The following RTL4 variants were observed in gnomAD, a reference collection of about 807,000 sequenced individuals.
RTL4 encodes the protein retrotransposon Gag-like protein 4.
RTL4 carries 4 observed loss-of-function variants against 5.3 expected under a neutral mutation model. That is an observed-to-expected ratio of 0.75 (90% CI 0.37 to 1.72). The LOEUF (loss-of-function observed/expected upper bound fraction) is 1.72. Ranked by LOEUF, RTL4 falls within the 40% of genes most tolerant of loss-of-function variation. The pLI, the probability that RTL4 is intolerant of heterozygous loss-of-function variation, is 0.04. For synonymous variants in RTL4, 98 were observed against 87.3 expected (o/e 1.12, Z -0.68); for missense variants, 260 against 227.1 (o/e 1.14, Z -0.93).
the RTL4 span, among the ~76,000 whole-genome samples, chrX:112,405,183 CA>C: frequency 2.7e-5 from 3 of 111,108 alleles, no homozygotes; most frequent in African/African-American, 9.8e-5. Context: ...GCCACACACT[CA>C]AAAAAAGAGT....
the RTL4 span, among the ~76,000 whole-genome samples, chrX:112,352,133 G>A: frequency 9.0e-6 from 1 of 110,641 alleles, no homozygotes. Flanking sequence ...ATGAAGCTTA[G>A]TTTGCCTGGA....
chrX:112,185,767 A>T, the RTL4 span, among the ~76,000 whole-genome samples: 4 of 110,030 alleles, frequency 3.6e-5, no homozygotes, highest in Non-Finnish European at 7.6e-5. Context: ...GTCTTAGTAT[A>T]ATCTTTAATA....
the RTL4 span, among the ~76,000 whole-genome samples, chrX:112,125,902 G>A: frequency 8.9e-6 from 1 of 112,097 alleles, no homozygotes; most frequent in Non-Finnish European, 1.9e-5. Flanking sequence ...AGCCACTTTT[G>A]TCCTTAAGAG....
chrX:112,107,174 C>T, the RTL4 span, among the ~76,000 whole-genome samples: 15 of 111,936 alleles, frequency 1.3e-4, no homozygotes, highest in Non-Finnish European at 1.7e-4. Flanking sequence ...GACAAATTAA[C>T]TTTGATCACA....
the RTL4 span, among the ~76,000 whole-genome samples, chrX:112,282,098 T>C: frequency 2.7e-5 from 3 of 112,345 alleles, no homozygotes; most frequent in Non-Finnish European, 5.6e-5. Flanking sequence ...TGTTTTCTTG[T>C]AATAGTTTTA....
chrX:112,100,065 C>G, the RTL4 span, among the ~76,000 whole-genome samples: 13 of 111,749 alleles, frequency 1.2e-4, 1 homozygote, highest in South Asian at 3.4e-3. Context: ...AGACATTCAT[C>G]TAGGCAGTTA....
At chrX:112,128,659 C>CAAAAAAAAAAAAA in the RTL4 span, among the ~76,000 whole-genome samples, 5 of 41,121 alleles carry the variant, frequency 1.2e-4, no homozygotes, top group Non-Finnish European at 2.8e-4. Context: ...CTCTGTCTCA[C>CAAAAAAAAAAAAA]AAAAAAAAAA....
At chrX:112,113,600 T>A in the RTL4 span, among the ~76,000 whole-genome samples, 1 of 110,828 alleles carries the variant, frequency 9.0e-6, no homozygotes, top group Admixed American at 9.6e-5. Flanking sequence ...GGTGGTGACA[T>A]GAGCTGGCGC....
At chrX:112,274,553 A>G in the RTL4 span, among the ~76,000 whole-genome samples, 1 of 112,099 alleles carries the variant, frequency 8.9e-6, no homozygotes, top group East Asian at 2.8e-4. Flanking sequence ...TACGAAAGCA[A>G]GAATCAAACA....
the RTL4 span, among the ~76,000 whole-genome samples, chrX:112,129,712 CTG>C: frequency 7.2e-5 from 8 of 111,792 alleles, no homozygotes; most frequent in Non-Finnish European, 1.3e-4. Flanking sequence ...AAAGCTGAAA[CTG>C]TCTTTATTTT....
the RTL4 span, among the ~76,000 whole-genome samples, chrX:112,234,326 C>G: frequency 8.9e-6 from 1 of 111,801 alleles, no homozygotes; most frequent in Non-Finnish European, 1.9e-5. Flanking sequence ...CACTCTTATC[C>G]CCTTGTTTCT....
the RTL4 span, among the ~76,000 whole-genome samples, chrX:112,284,504 C>T: frequency 2.7e-5 from 3 of 111,204 alleles, no homozygotes; most frequent in East Asian, 5.6e-4. Flanking sequence ...TTGTAACCTT[C>T]AACAAACCAC....
the RTL4 span, among the ~76,000 whole-genome samples, chrX:112,356,582 GTGT>G: frequency 1.3e-4 from 9 of 71,791 alleles, no homozygotes; most frequent in African/African-American, 3.6e-4. Flanking sequence ...GTTTTGGGGT[GTGT>G]GTGTGTGTGT....
exon 1 of RTL4, chrX:112,455,250 C>T: frequency 8.3e-7 from 1 of 1,211,313 alleles, no homozygotes; most frequent in Non-Finnish European, 1.1e-6. Flanking sequence ...AAAATCTGAT[C>T]TGTAATGAAA....
the RTL4 span, among the ~76,000 whole-genome samples, chrX:112,424,483 G>A: frequency 9.0e-6 from 1 of 111,070 alleles, no homozygotes; most frequent in South Asian, 3.8e-4. Context: ...CTACATCTGA[G>A]GTTGTAGTGA....
chrX:112,317,598 A>G, the RTL4 span, among the ~76,000 whole-genome samples: 1 of 111,435 alleles, frequency 9.0e-6, no homozygotes, highest in Non-Finnish European at 1.9e-5. Context: ...GGTGCCAGGT[A>G]AATCAGTGTA....
At chrX:112,161,385 C>T in the RTL4 span, among the ~76,000 whole-genome samples, 1 of 111,592 alleles carries the variant, frequency 9.0e-6, no homozygotes, top group Non-Finnish European at 1.9e-5. Flanking sequence ...AATCTCTTTC[C>T]AGTTGTTCAG....
the RTL4 span, among the ~76,000 whole-genome samples, chrX:112,168,065 A>T: frequency 6.3e-5 from 7 of 111,699 alleles, no homozygotes; most frequent in Non-Finnish European, 1.1e-4. Context: ...ATTTGCTGAT[A>T]GGCTTATTTC....
chrX:112,410,616 A>G, the RTL4 span, among the ~76,000 whole-genome samples: 1 of 112,081 alleles, frequency 8.9e-6, no homozygotes, highest in Non-Finnish European at 1.9e-5. Context: ...AAATTAAACA[A>G]TATGCTCCAG....
Sources: gnomAD v4.1 joint callset for allele counts (sites outside exome capture counted in the v4.1 genomes callset) on GRCh38, gnomAD v4.1.1 for gene constraint, MANE v1.5 for transcripts, NCBI Gene and HGNC (gene_info 2026-07-23, HGNC 2026-07-21) for gene names.